The following CIAO2A variants were observed in gnomAD, a reference collection of about 807,000 sequenced individuals.
The protein encoded by CIAO2A is cytosolic iron-sulfur assembly component 2A.
CIAO2A carries 17 observed loss-of-function variants against 22.4 expected under a neutral mutation model. The ratio of observed to expected loss-of-function variants is 0.76; its 90% confidence interval spans 0.52 to 1.14. The LOEUF (loss-of-function observed/expected upper bound fraction) is 1.14, where lower values mean the gene tolerates loss of function less well. Among genes scored for constraint, CIAO2A ranks in the 50% most tolerant of loss-of-function variants. The pLI is 0.00. For missense variants in CIAO2A, 192 were observed against 191.4 expected (o/e 1.00, Z -0.02); for synonymous variants, 74 against 72.3 (o/e 1.02, Z -0.12).
intron 2 of CIAO2A, among the ~76,000 whole-genome samples, chr15:64,083,957 T>A (rs1043346163): frequency 1.3e-5 from 2 of 150,880 alleles, no homozygotes; most frequent in Non-Finnish European, 3.0e-5. Flanking sequence ...AAAAATAAAA[T>A]AAAATAAAAT....
chr15:64,083,072 AAAAT>A (rs1315782557), intron 2 of CIAO2A, among the ~76,000 whole-genome samples: 2 of 149,990 alleles, frequency 1.3e-5, no homozygotes, highest in African/African-American at 4.9e-5. Context: ...ATAAAACTTA[AAAAT>A]ATATATAATA....
intron 3 of CIAO2A, among the ~76,000 whole-genome samples, chr15:64,077,530 T>C (rs2080728165): frequency 6.6e-6 from 1 of 152,208 alleles, no homozygotes; most frequent in Non-Finnish European, 1.5e-5. Context: ...CTGTTACCAA[T>C]AATGGGACAA....
At chr15:64,079,150 A>C (rs1241375143) in intron 3 of CIAO2A, among the ~76,000 whole-genome samples, 1 of 152,128 alleles carries the variant, frequency 6.6e-6, no homozygotes, top group Non-Finnish European at 1.5e-5. Context: ...TAAAAAAAAA[A>C]ATTTAAAAGA....
chr15:64,091,461 G>A (rs907120414), intron 1 of CIAO2A, among the ~76,000 whole-genome samples: 15 of 149,348 alleles, frequency 1.0e-4, no homozygotes, highest in Non-Finnish European at 3.0e-5. Flanking sequence ...CTCTAGCCTG[G>A]GTGACAGAAG....
At chr15:64,079,829 T>C (rs1054531619) in intron 3 of CIAO2A, among the ~76,000 whole-genome samples, 1 of 152,100 alleles carries the variant, frequency 6.6e-6, no homozygotes, top group Admixed American at 6.5e-5. Flanking sequence ...TTATGAAAAT[T>C]TAAAACTTTT....
Position 64,088,732 on chromosome 15 carries a change from T to C in CIAO2A, c.244A>G (p.Arg82Gly). The C allele has an allele frequency of 1.9e-6, 3 of 1,613,888 alleles. No homozygotes were observed. The highest frequency in any genetic ancestry group is 2.5e-6 in the Non-Finnish European group (3 of 1,179,944). The change falls in exon 2 of 5, where the codon AGG becomes GGG. Residue 82 changes from arginine (R) to glycine (G), a missense_variant. Physicochemically the swap from Arg to Gly is moderately radical, Grantham distance 125 (BLOSUM62 -2). Coordinates refer to ENST00000300030, the MANE Select transcript of CIAO2A (RefSeq NM_032231.7). ...CAATGAGGTACTGTTGGCGTGAACC[T>C]GATAATAACCAGATATTCTTCTTCA... ...INEEEYLVII[R>G]FTPTVPHCSL...
At chr15:64,081,221 A>T (rs1301299770) in intron 2 of CIAO2A, 70 bp from the exon 3 acceptor site, 1 of 1,479,164 alleles carries the variant, frequency 6.8e-7, no homozygotes, top group Admixed American at 1.8e-5. Context: ...AAAGCATACA[A>T]CTGCGTTTAT....
intron 1 of CIAO2A, among the ~76,000 whole-genome samples, chr15:64,092,988 A>G (rs986811597): frequency 8.5e-5 from 13 of 152,334 alleles, no homozygotes; most frequent in African/African-American, 2.9e-4. Context: ...GTAGTTCTTT[A>G]ACCTTTGTTT....
At chr15:64,087,104 T>TC in intron 2 of CIAO2A, among the ~76,000 whole-genome samples, 1 of 147,320 alleles carries the variant, frequency 6.8e-6, no homozygotes, top group East Asian at 2.0e-4. Flanking sequence ...TTTTTTTTTT[T>TC]TTGGGAGATA....
intron 2 of CIAO2A, among the ~76,000 whole-genome samples, chr15:64,081,796 T>C (rs1168942932): frequency 1.3e-5 from 2 of 151,846 alleles, no homozygotes; most frequent in Non-Finnish European, 2.9e-5. Context: ...GCCTTAGCCT[T>C]CCAAAGTGCT....
chr15:64,074,087 A>G (rs2080696606), intron 4 of CIAO2A, among the ~76,000 whole-genome samples: 1 of 152,080 alleles, frequency 6.6e-6, no homozygotes, highest in Non-Finnish European at 1.5e-5. Flanking sequence ...CTATTAATCT[A>G]CTAGATCTTT....
chr15:64,073,205 T>C (rs919338569), intron 4 of CIAO2A, among the ~76,000 whole-genome samples, 177 bp from the exon 5 acceptor site: 1 of 152,188 alleles, frequency 6.6e-6, no homozygotes, highest in Non-Finnish European at 1.5e-5. Flanking sequence ...GAGAAAAATA[T>C]CTACTAGAAT....
At chr15:64,076,123 C>A (rs1456324866) in intron 3 of CIAO2A, among the ~76,000 whole-genome samples, 1 of 151,986 alleles carries the variant, frequency 6.6e-6, no homozygotes. Flanking sequence ...ACAAAAATAT[C>A]ATTTTACACA....
At chr15:64,078,584 C>T (rs771857620) in intron 3 of CIAO2A, among the ~76,000 whole-genome samples, 16 of 142,934 alleles carry the variant, frequency 1.1e-4, no homozygotes, top group East Asian at 2.1e-4. Flanking sequence ...TGCACTGGGC[C>T]GAGATCGCAC....
chr15:64,093,717 G>A lies in CIAO2A; in HGVS notation c.52C>T (p.Leu18Phe). Residue 18 changes from leucine (L) to phenylalanine (F), a missense_variant, in exon 1 of 5, where the codon CTC becomes TTC. Transcript: ENST00000300030. ...LSWTLSRVLW[L>F]SGLSEPGAAR... is the part of the protein sequence containing the mutation. ...GCTCCCGGCTCAGAGAGGCCGGAGA[G>A]CCACAGGACTCTGCTCAGCGTCCAG... 6.2e-7 allele frequency: 1 copy of A among 1,614,052 alleles called. No individual in the cohort carries two copies. Among genetic ancestry groups the A allele is most frequent in the South Asian group, 1.1e-5 (1 of 91,078 alleles).
At chr15:64,081,720 G>T (rs1489396301) in intron 2 of CIAO2A, among the ~76,000 whole-genome samples, 1 of 151,626 alleles carries the variant, frequency 6.6e-6, no homozygotes, top group Non-Finnish European at 1.5e-5. Context: ...TATATTTTTG[G>T]TACAGATGGG....
At chr15:64,074,719 G>C (rs951179500) in intron 4 of CIAO2A, 2 of 152,130 alleles carry the variant, frequency 1.3e-5, no homozygotes, top group East Asian at 3.9e-4. Flanking sequence ...TTTTATGTAG[G>C]AGATTTTGTG....
At chr15:64,086,650 G>C (rs189317559) in intron 2 of CIAO2A, among the ~76,000 whole-genome samples, 3 of 144,936 alleles carry the variant, frequency 2.1e-5, no homozygotes, top group Admixed American at 7.0e-5. Context: ...GTCTTACTCT[G>C]TTGCTTAGGC....
intron 2 of CIAO2A, among the ~76,000 whole-genome samples, chr15:64,086,205 T>A (rs2080793211): frequency 6.6e-6 from 1 of 151,490 alleles, no homozygotes; most frequent in Non-Finnish European, 1.5e-5. Flanking sequence ...TATTGGAAGT[T>A]CGAGACCAGC....
Sources: allele counts gnomAD v4.1 joint callset (sites outside exome capture counted in the v4.1 genomes callset), GRCh38; gene constraint gnomAD v4.1.1; transcripts MANE v1.5; gene names NCBI Gene and HGNC (gene_info 2026-07-23, HGNC 2026-07-21).